AP2A2: variants seen among roughly 807,000 people sequenced by gnomAD.
AP2A2 encodes AP-2 complex subunit alpha-2.
In AP2A2, 32 loss-of-function variants were observed where a neutral mutation model predicts 104.2. The observed-to-expected ratio is 0.31, with a 90% CI of 0.23 to 0.41. The LOEUF is 0.41. AP2A2 is among the 10% of genes least tolerant of loss of function. The probability of loss-of-function intolerance (pLI) is 1.00; values close to 1 mark genes in which losing one functional copy is unlikely to be tolerated. For synonymous variants in AP2A2, 539 were observed against 533.3 expected (o/e 1.01, Z -0.15); for missense variants, 912 against 1,261.0 (o/e 0.72, Z 4.19).
At chr11:966,246 A>G (rs1457276308) in intron 2 of AP2A2, among the ~76,000 whole-genome samples, 1 of 152,198 alleles carries the variant, frequency 6.6e-6, no homozygotes, top group Non-Finnish European at 1.5e-5. Context: ...TAATCCTAGC[A>G]CTTTGGGAGG....
intron 10 of AP2A2, among the ~76,000 whole-genome samples, chr11:991,892 C>A (rs1855668437): frequency 6.6e-6 from 1 of 152,026 alleles, no homozygotes; most frequent in Non-Finnish European, 1.5e-5. Context: ...GGCGAGGTGA[C>A]TTTGGGGAGA....
intron 15 of AP2A2, among the ~76,000 whole-genome samples, chr11:1,003,485 C>G (rs1419989255): frequency 6.6e-6 from 1 of 152,276 alleles, no homozygotes; most frequent in Non-Finnish European, 1.5e-5. Flanking sequence ...AGCAGCTGCA[C>G]CAACCAACTT....
At chr11:1,006,445 T>A (rs1387398376) in intron 16 of AP2A2, 83 bp from the exon 17 acceptor site, 1 of 942,772 alleles carries the variant, frequency 1.1e-6, no homozygotes, top group East Asian at 2.4e-5. Flanking sequence ...CTGAAGATTG[T>A]GGGGGGCTCT....
At chr11:972,308 C>T (rs888260583) in intron 4 of AP2A2, 53 bp downstream of exon 4, 3 of 1,458,328 alleles carry the variant, frequency 2.1e-6, no homozygotes, top group South Asian at 1.3e-5. Flanking sequence ...GCTTTCATGC[C>T]AAATACATCA....
At chr11:938,916 G>A (rs528108980) in intron 1 of AP2A2, among the ~76,000 whole-genome samples, 5 of 152,082 alleles carry the variant, frequency 3.3e-5, no homozygotes, top group Non-Finnish European at 7.3e-5. Context: ...TCTTGTCTAG[G>A]CTTGTCCTTA....
At chr11:988,123 G>A (rs1199221254) in intron 9 of AP2A2, among the ~76,000 whole-genome samples, 1 of 152,238 alleles carries the variant, frequency 6.6e-6, no homozygotes, top group Non-Finnish European at 1.5e-5. Context: ...CCTCCTGGGG[G>A]CCCATCAGCA....
Position 1,010,561 on chromosome 11 carries a change from C to CGCTG in AP2A2, c.2757_2760dup (p.Arg921AlafsTer5). On this transcript the variant is annotated frameshift_variant, in exon 22 of 22. Transcript: ENST00000448903. LOFTEE classifies it high-confidence loss of function. The stretch of plus-strand genomic sequence containing the variant: ...TCTCTGTTTCAGATGTACCGGCTCA[C>CGCTG]GCTGCGCACAAGTAAGGAAGCCGTT... 1 of 1,593,360 alleles carries CGCTG rather than the reference C, an allele frequency of 6.3e-7. No individual in the cohort carries two copies. The highest frequency in any genetic ancestry group is 1.3e-5 in the African/African-American group (1 of 74,694).
chr11:969,252 T>C (rs1854736325), intron 2 of AP2A2, among the ~76,000 whole-genome samples: 1 of 128,328 alleles, frequency 7.8e-6, no homozygotes, highest in Non-Finnish European at 1.6e-5. Context: ...TTTTTTGAGA[T>C]GGAGTTTTGC....
rs1856267928 is a variant in AP2A2 at position 1,008,038 on chromosome 11, G to T, written c.2323G>T (p.Asp775Tyr). 1.9e-6 allele frequency: 3 copies of T among 1,566,954 alleles called. No homozygotes were observed. The highest frequency in any genetic ancestry group is 2.6e-6 in the Non-Finnish European group (3 of 1,156,624). ...CCTGAACCTGCAGACCAAGCCCGTG[G>T]ACCCGACCGTGGAGGGGGGCGCGCA... ...PNLNLQTKPV[D>Y]PTVEGGAQVQ... Residue 775 changes from aspartate (D) to tyrosine (Y), a missense_variant, in exon 18 of 22, where the codon GAC (aspartate) becomes TAC (tyrosine). Physicochemically the swap from Asp to Tyr is radical, Grantham distance 160 (BLOSUM62 -3). Around this residue, in one of 7 missense-constraint regions of AP2A2, gnomAD observed 239 missense variants for 329.8 expected, o/e 0.72. Transcript: ENST00000448903.
chr11:986,785 T>C lies in AP2A2; in HGVS notation c.963T>C (p.Ser321=). The C allele has an allele frequency of 6.2e-7, 1 of 1,612,872 alleles. No individual in the cohort carries two copies. Among genetic ancestry groups the C allele is most frequent in the Non-Finnish European group, 8.5e-7 (1 of 1,179,652 alleles). Residue 321 remains serine, a splice_region_variant and synonymous_variant, in exon 9 of 22, where the codon AGT becomes AGC. Coordinates refer to ENST00000448903, the MANE Select transcript of AP2A2 (RefSeq NM_012305.4). ...ACCCACTTCCCCTCCCTCCACACAG[T>C]GAGCCGAACCTGCTCGTCCGTGCCT... is the stretch of plus-strand genomic sequence containing the variant. ...EAISLIIHHD[S]EPNLLVRACN...
chr11:1,010,744 C>A lies in AP2A2; in HGVS notation c.*119C>A. ...AGTGCCACAGCACAAGGCGCCTCCC[C>A]GCCCCGCCGCCCCACACCTCTCCCC... On this transcript the variant is annotated 3_prime_UTR_variant, in exon 22 of 22. Transcript: ENST00000448903. 1 of 804,904 alleles carries A rather than the reference C, an allele frequency of 1.2e-6. No homozygotes were observed. The highest frequency in any genetic ancestry group is 2.1e-6 in the Non-Finnish European group (1 of 474,858). The allele number at this position is 804,904 out of a possible 1,614,324, so 49.9% of individuals were successfully genotyped here.
At chr11:1,007,674 C>T in intron 17 of AP2A2, 1 of 359,586 alleles carries the variant, frequency 2.8e-6, no homozygotes, top group East Asian at 6.7e-5. Flanking sequence ...TTAAAGTTTT[C>T]CTGCCCTACT....
intron 18 of AP2A2, 62 bp from the exon 19 acceptor site, chr11:1,009,038 G>T (rs200545249): frequency 1.4e-6 from 2 of 1,390,666 alleles, no homozygotes; most frequent in South Asian, 2.4e-5. Context: ...GCTCTTTCCC[G>T]GTCCCTGGGG....
At chr11:928,177 G>A (rs1292302279) in intron 1 of AP2A2, among the ~76,000 whole-genome samples, 1 of 152,182 alleles carries the variant, frequency 6.6e-6, no homozygotes, top group Non-Finnish European at 1.5e-5. Context: ...CTTATTTGTG[G>A]TTTCACCTTC....
chr11:988,538 G>A lies in AP2A2; in HGVS notation c.1132-14G>A. 1 of 1,608,706 alleles carries A rather than the reference G, an allele frequency of 6.2e-7. No individual in the cohort carries two copies. The highest frequency in any genetic ancestry group is 8.5e-7 in the Non-Finnish European group (1 of 1,179,506). ...TTGCTCCTGCGACCTCTTACTCTGT[G>A]CCTTGTTCCCCAGACTGAGCGGGAC... On this transcript the variant is annotated splice_polypyrimidine_tract_variant and intron_variant, in intron 9 of 21. Transcript: ENST00000448903.
intron 1 of AP2A2, among the ~76,000 whole-genome samples, chr11:958,369 A>G (rs993546306): frequency 1.3e-5 from 2 of 152,190 alleles, no homozygotes; most frequent in Admixed American, 1.3e-4. Flanking sequence ...TGGCAGCCGG[A>G]GCAGACTAAG....
chr11:1,011,530 C>T lies in AP2A2; in HGVS notation c.*905C>T. The T allele has an allele frequency of 2.1e-6, 1 of 483,062 alleles. No individual in the cohort carries two copies. The highest frequency in any genetic ancestry group is 2.2e-5 in the Admixed American group (1 of 45,376). The allele number at this position is 483,062 out of a possible 1,614,324, so 29.9% of individuals were successfully genotyped here. On this transcript the variant is annotated 3_prime_UTR_variant, in exon 22 of 22. Coordinates refer to ENST00000448903, the MANE Select transcript of AP2A2 (RefSeq NM_012305.4). ...GGTCAGGAAGTGAAGGGGCCATTGG[C>T]CGCATGCCATGTGCCACCTGCGGCT...
At chr11:1,003,539 C>G in intron 15 of AP2A2, 183 bp from the exon 16 acceptor site, 1 of 507,702 alleles carries the variant, frequency 2.0e-6, no homozygotes, top group Non-Finnish European at 3.5e-6. Flanking sequence ...GCGTCCTGCT[C>G]ACCGTCCTCC....
At chr11:1,004,938 A>G (rs1267924922) in intron 16 of AP2A2, among the ~76,000 whole-genome samples, 1 of 152,212 alleles carries the variant, frequency 6.6e-6, no homozygotes, top group African/African-American at 2.4e-5. Flanking sequence ...CTCAGAACAC[A>G]AAAGAAGATG....
Sources: allele counts gnomAD v4.1 joint callset (sites outside exome capture counted in the v4.1 genomes callset), GRCh38; gene constraint gnomAD v4.1.1; regional missense constraint gnomAD v4.1.1; transcripts MANE v1.5; gene names NCBI Gene and HGNC (gene_info 2026-07-23, HGNC 2026-07-21).